Variants in PRCD observed in about 807,000 individuals in gnomAD.
PRCD encodes photoreceptor disk component PRCD.
A neutral mutation model predicts 10.1 loss-of-function variants in PRCD; 12 were observed. The observed-to-expected ratio is 1.18, with a 90% CI of 0.76 to 1.92. PRCD has a LOEUF of 1.92. Ranked by LOEUF, PRCD falls within the 40% of genes most tolerant of loss-of-function variation. The probability of loss-of-function intolerance (pLI) is 0.00; values close to 1 mark genes in which losing one functional copy is unlikely to be tolerated. For synonymous variants in PRCD, 31 were observed against 26.2 expected, an observed-to-expected ratio of 1.18 and a Z score of -0.56; for missense variants, 61 against 72.2, an observed-to-expected ratio of 0.84 and a Z score of 0.56.
At chr17:76,537,637 G>T (rs957241642), upstream of PRCD, 2 of 969,022 alleles carry the variant, frequency 2.1e-6, no homozygotes, top group African/African-American at 3.6e-5. Context: ...GGCCGGCTGC[G>T]TGCGCGGCGG....
chr17:76,542,875 G>A (rs1394786455), intron 3 of PRCD, among the ~76,000 whole-genome samples, 154 bp from the exon 4 acceptor site: 1 of 152,204 alleles, frequency 6.6e-6, no homozygotes. Context: ...ACATTTTCTA[G>A]GCTTGGGGAT....
chr17:76,537,292 G>A (rs1412972917), upstream of PRCD: 12 of 1,267,458 alleles, frequency 9.5e-6, 1 homozygote, highest in South Asian at 1.9e-4. Context: ...GGCCCCATTC[G>A]CGGCTGGGGA....
chr17:76,545,743 A>G (rs920269129), downstream of PRCD: 1 of 240,804 alleles, frequency 4.2e-6, no homozygotes, highest in Non-Finnish European at 8.3e-6. Context: ...AACGTGTGGA[A>G]GATGCTTAGC....
Position 76,530,930 on chromosome 17 carries a change from G to A in PRCD, n.45+3097G>A, listed in dbSNP as rs747003108. 5.2e-6 allele frequency: 8 copies of A among 1,526,056 alleles called. No individual in the cohort carries two copies. The African/African-American group carries it at 8.3e-5, about 16-fold the overall frequency. The allele number at this position is 1,526,056 out of a possible 1,614,324, so 94.5% of individuals were successfully genotyped here. ...GATATGGGAGACCTCGGGGACAGCAGAGGACATGGCGGGGAGGCTGCCCAG... is the reference window on the plus strand; with the variant it reads ...GATATGGGAGACCTCGGGGACAGCAAAGGACATGGCGGGGAGGCTGCCCAG... On this transcript the variant is annotated intron_variant and non_coding_transcript_variant, in intron 1 of 4. Transcript: ENST00000397633. This position sits in a 1 kb window ranked among gnomAD's most constrained non-coding sequence, Gnocchi z 6.1.
upstream of PRCD, chr17:76,537,644 G>C: frequency 1.0e-6 from 1 of 963,294 alleles, no homozygotes; most frequent in Non-Finnish European, 1.2e-6. Flanking sequence ...TGCGTGCGCG[G>C]CGGGCGGGCG....
Position 76,543,050 on chromosome 17 carries a change from T to C in PRCD, c.*81T>C. The C allele has an allele frequency of 2.1e-6, 1 of 472,456 alleles. No individual in the cohort carries two copies. The highest frequency in any genetic ancestry group is 4.4e-6 in the Non-Finnish European group (1 of 227,986). 29.3% of individuals were successfully genotyped at this position (472,456 alleles called of 1,614,324 possible). On this transcript the variant is annotated 3_prime_UTR_variant, in exon 4 of 5. Transcript: ENST00000592014. The stretch of plus-strand genomic sequence containing the variant: ...TCAGCTCAGGTCCTGGTTCGTCCCC[T>C]AGCCCAGGAGGATGCTGTGGGAGCT...
chr17:76,531,866 G>A lies in PRCD; in HGVS notation n.45+4033G>A. Reference sequence around the variant, plus strand: ...CATAGACCCTCCTCCCTCTGGCCAAGCCGGCTCACCCCTACCAAGTCTGGC... The same window carrying A: ...CATAGACCCTCCTCCCTCTGGCCAAACCGGCTCACCCCTACCAAGTCTGGC... On this transcript the variant is annotated intron_variant and non_coding_transcript_variant, in intron 1 of 4. Transcript: ENST00000397633. The surrounding 1 kb of genome is among the most constrained non-coding windows in gnomAD (Gnocchi z 7.4). 1 of 583,226 alleles carries A rather than the reference G, an allele frequency of 1.7e-6. No individual in the cohort carries two copies. The highest frequency in any genetic ancestry group is 3.2e-5 in the Admixed American group (1 of 31,362). The allele number at this position is 583,226 out of a possible 1,614,324, so 36.1% of individuals were successfully genotyped here.
Position 76,534,146 on chromosome 17 carries a change from TTCTCTCTCTCTC to T in PRCD, n.45+6333_46-6328del, listed in dbSNP as rs71158013. The stretch of plus-strand genomic sequence containing the variant: ...TCTTTCTTTCTCTCTCTCTTTCTCT[TTCTCTCTCTCTC>T]TCTCTCTCTCTCTCTCTCTTTCTTT... On this transcript the variant is annotated intron_variant and non_coding_transcript_variant, in intron 1 of 4. Coordinates refer to the PRCD transcript ENST00000397633. 3.9e-3 allele frequency among the ~76,000 whole-genome samples: 498 copies of T among 129,016 alleles called. 1 individual carries two copies. Among genetic ancestry groups the T allele is most frequent in the African/African-American group, 0.012 (428 of 36,884 alleles). 84.6% of individuals were successfully genotyped at this position (129,016 alleles called of 152,430 possible).
At chr17:76,529,043 C>T (rs553888982) in intron 1 of PRCD, 8,348 of 558,934 alleles carry the variant, frequency 0.015, 111 homozygotes, top group South Asian at 0.12. Context: ...GCAGTCATTG[C>T]GCCCCCCCCC....
Position 76,544,045 on chromosome 17 carries a change from G to GC in PRCD, c.*400dup. 1 of 454,782 alleles carries GC rather than the reference G, an allele frequency of 2.2e-6. No homozygotes were observed. The highest frequency in any genetic ancestry group is 4.4e-6 in the Non-Finnish European group (1 of 226,962). The allele number at this position is 454,782 out of a possible 1,614,324, so 28.2% of individuals were successfully genotyped here. On this transcript the variant is annotated 3_prime_UTR_variant, in exon 5 of 5. Transcript: ENST00000592014. ...CTCAGTCCCGGCGGCTGCCTCCTTT[G>GC]CCCCCAGCTGCTCTGCCATTTCTCT...
intron 1 of PRCD, among the ~76,000 whole-genome samples, chr17:76,552,646 C>T (rs2075118369): frequency 2.0e-5 from 3 of 151,296 alleles, no homozygotes; most frequent in Non-Finnish European, 1.5e-5. Context: ...GGTGGGTTAC[C>T]TGAGGTCAGG....
chr17:76,529,621 G>T, intron 1 of PRCD: 1 of 985,410 alleles, frequency 1.0e-6, no homozygotes, highest in East Asian at 1.1e-4. Flanking sequence ...CTCATCTTTG[G>T]CAGCAGAGCC....
Position 76,533,354 on chromosome 17 carries a change from T to C in PRCD, n.45+5521T>C, listed in dbSNP as rs1032516476. Reference sequence around the variant, plus strand: ...TGAATTTTCTGGAGAAGCACTGTAATGAGGGACAAATGTGAAAAACCCAAT... The same window carrying C: ...TGAATTTTCTGGAGAAGCACTGTAACGAGGGACAAATGTGAAAAACCCAAT... On this transcript the variant is annotated intron_variant and non_coding_transcript_variant, in intron 1 of 4. Transcript: ENST00000397633. The surrounding 1 kb of genome is among the most constrained non-coding windows in gnomAD (Gnocchi z 4.5). Among the ~76,000 whole-genome samples, 4 of 152,168 alleles carry C rather than the reference T, an allele frequency of 2.6e-5. No individual in the cohort carries two copies. Among genetic ancestry groups the C allele is most frequent in the Admixed American group, 2.6e-4 (4 of 15,264 alleles).
chr17:76,546,447 GGTT>G (rs1172585769), downstream of PRCD: 1,918 of 14,524 alleles, frequency 0.13, 34 homozygotes, highest in Non-Finnish European at 0.4. This position sits in a 1 kb window ranked among gnomAD's most constrained non-coding sequence, Gnocchi z 4.5. Flanking sequence ...GTGTGTGTGT[GGTT>G]TGTGTGTGTG....
upstream of PRCD, chr17:76,539,930 G>A (rs1371667587): frequency 8.3e-6 from 5 of 605,770 alleles, no homozygotes; most frequent in Admixed American, 5.7e-5. Flanking sequence ...TGACCCTACC[G>A]CTGGAGGGGA....
chr17:76,537,387 G>A, upstream of PRCD: 3 of 1,582,420 alleles, frequency 1.9e-6, no homozygotes, highest in Non-Finnish European at 2.6e-6. Context: ...CGGCCGGGCC[G>A]GGCGACACCT....
rs1418167563 is a variant in PRCD at position 76,528,052 on chromosome 17, C to G, written n.45+219C>G. The G allele has an allele frequency of 2.7e-6, 1 of 372,936 alleles. No individual in the cohort carries two copies. Among genetic ancestry groups the G allele is most frequent in the Admixed American group, 3.8e-5 (1 of 26,194 alleles). 23.1% of individuals were successfully genotyped at this position (372,936 alleles called of 1,614,324 possible). ...CTGCACAACCGGAACCCCTCCCTGC[C>G]CCACTCACAGGTGGGCCAAACCGAG... On this transcript the variant is annotated intron_variant and non_coding_transcript_variant, in intron 1 of 4. Coordinates refer to the PRCD transcript ENST00000397633. The surrounding 1 kb of genome is among the most constrained non-coding windows in gnomAD (Gnocchi z 5.8).
chr17:76,529,962 G>A, intron 1 of PRCD: 1 of 985,394 alleles, frequency 1.0e-6, no homozygotes. Context: ...TCAGCAGCAG[G>A]AAGGGCAGGA....
chr17:76,537,618 G>A (rs1453597182), upstream of PRCD: 5 of 993,406 alleles, frequency 5.0e-6, no homozygotes, highest in East Asian at 4.1e-4. Context: ...GCGGGGCGCC[G>A]GGAGCCGGGG....
Sources: allele counts gnomAD v4.1 joint callset (sites outside exome capture counted in the v4.1 genomes callset), GRCh38; gene constraint gnomAD v4.1.1; non-coding constraint Gnocchi (gnomAD v3.1); transcripts MANE v1.5; gene names NCBI Gene and HGNC (gene_info 2026-07-23, HGNC 2026-07-21).